The following SLC9A3 variants were observed in gnomAD, a reference collection of about 807,000 sequenced individuals.
SLC9A3 encodes the protein solute carrier family 9 member A3, also known as sodium/hydrogen exchanger 3.
SLC9A3 carries 37 observed loss-of-function variants against 86.8 expected under a neutral mutation model. The ratio of observed to expected loss-of-function variants is 0.43; its 90% CI spans 0.33 to 0.56. SLC9A3 has a LOEUF of 0.56. SLC9A3 is among the 20% of genes least tolerant of loss of function. The pLI is 0.06. For synonymous variants in SLC9A3, 581 were observed against 528.3 expected (o/e 1.10, Z -1.37); for missense variants, 1,011 against 1,171.9 (o/e 0.86, Z 2.00).
intron 1 of SLC9A3, among the ~76,000 whole-genome samples, chr5:522,693 C>T (rs954044016): frequency 6.7e-6 from 1 of 148,758 alleles, no homozygotes; most frequent in Non-Finnish European, 1.5e-5. Flanking sequence ...GAGCCGAGAT[C>T]GCGTCATTGC....
intron 1 of SLC9A3, among the ~76,000 whole-genome samples, chr5:518,496 C>A (rs1398707009): frequency 5.3e-5 from 8 of 152,320 alleles, no homozygotes; most frequent in South Asian, 4.2e-4. Flanking sequence ...GGCACCCTGA[C>A]ACCTGGTATC....
chr5:475,472 C>T (rs901088765), intron 15 of SLC9A3, 89 bp downstream of exon 15: 23 of 791,760 alleles, frequency 2.9e-5, no homozygotes, highest in Non-Finnish European at 4.6e-5. Flanking sequence ...CCCCCAGGTC[C>T]CAGTGCCCCT....
Position 509,756 on chromosome 5 carries a change from G to T in SLC9A3, c.211+14356C>A, listed in dbSNP as rs187502445. ...TGAGAGGAGAATGGGGTGCGGGGAG[G>T]GGGAGGAGGCCTCCTGCAAAGAACC... On this transcript the variant is annotated intron_variant, in intron 1 of 16. Coordinates refer to ENST00000264938, the MANE Select transcript of SLC9A3 (RefSeq NM_004174.4). Among the ~76,000 whole-genome samples the T allele has an allele frequency of 9.2e-5, 14 of 152,320 alleles. No individual in the cohort carries two copies. The East Asian group carries it at 2.7e-3, about 29-fold the overall frequency.
chr5:502,532 G>A (rs750748290), intron 1 of SLC9A3, among the ~76,000 whole-genome samples: 13 of 152,370 alleles, frequency 8.5e-5, no homozygotes, highest in Admixed American at 1.3e-4. Flanking sequence ...CGGAAGTCAC[G>A]AGACACGTGA....
At chr5:508,391 C>T (rs1223463202) in intron 1 of SLC9A3, among the ~76,000 whole-genome samples, 4 of 123,892 alleles carry the variant, frequency 3.2e-5, no homozygotes, top group African/African-American at 1.3e-4. Flanking sequence ...CGCAGGGAAA[C>T]TCAGGCCTCA....
Position 474,908 on chromosome 5 carries a change from C to T in SLC9A3, c.2476G>A (p.Ala826Thr). Residue 826 changes from alanine to threonine, a missense_variant, in exon 16 of 17, where the codon GCC becomes ACC. Physicochemically the swap from Ala to Thr is moderately conservative, Grantham distance 58. Around this residue, in one of 3 missense-constraint regions of SLC9A3, gnomAD observed 397 missense variants for 346.3 expected, o/e 1.15. Transcript: ENST00000264938. ...QADGPEERPP[A>T]ALPESTHM ...ATGTGTGTGGACTCGGGGAGGGCGG[C>T]GGGGGGCCGCTCCTCGGGGCCGTCT... is the stretch of plus-strand genomic sequence containing the variant. The T allele has an allele frequency of 6.4e-7, 1 of 1,565,054 alleles. No homozygotes were observed. Among genetic ancestry groups the T allele is most frequent in the East Asian group, 2.3e-5 (1 of 43,204 alleles).
At chr5:517,898 C>T (rs1560977593) in intron 1 of SLC9A3, among the ~76,000 whole-genome samples, 1 of 151,720 alleles carries the variant, frequency 6.6e-6, no homozygotes, top group Non-Finnish European at 1.5e-5. Flanking sequence ...TCCATCCATC[C>T]ACCCATCATC....
intron 1 of SLC9A3, among the ~76,000 whole-genome samples, chr5:501,854 G>A (rs1467235035): frequency 2.0e-5 from 3 of 152,224 alleles, no homozygotes; most frequent in Non-Finnish European, 4.4e-5. Flanking sequence ...GTCCCTGCCT[G>A]CGGGTGCAGT....
intron 1 of SLC9A3, among the ~76,000 whole-genome samples, chr5:516,504 C>T (rs1733735775): frequency 6.6e-6 from 1 of 152,230 alleles, no homozygotes; most frequent in Admixed American, 6.5e-5. Context: ...GCAGTTCCAG[C>T]ACCAAGTCAG....
At chr5:476,430 G>A in intron 12 of SLC9A3, 52 bp from the exon 13 acceptor site, 2 of 1,607,380 alleles carry the variant, frequency 1.2e-6, no homozygotes, top group Non-Finnish European at 1.7e-6. Flanking sequence ...GGACATTCTC[G>A]CCCTCCTGCC....
chr5:490,563 C>T (rs1041432774), intron 2 of SLC9A3, among the ~76,000 whole-genome samples: 1 of 152,198 alleles, frequency 6.6e-6, no homozygotes, highest in Non-Finnish European at 1.5e-5. Context: ...AGGAGCGGCC[C>T]TGACGGCCAG....
At chr5:473,439 G>C in intron 16 of SLC9A3, 57 bp from the exon 17 acceptor site, 1 of 1,326,876 alleles carries the variant, frequency 7.5e-7, no homozygotes, top group Non-Finnish European at 9.7e-7. Context: ...GGCGGGAGGG[G>C]CGTCCCCGGG....
chr5:479,952 C>T lies in SLC9A3; in HGVS notation c.1531G>A (p.Asp511Asn), dbSNP rs769546146. ...NYLRDKWSHFDRKFLSRVLMR... is the reference protein window; with the variant it reads ...NYLRDKWSHFNRKFLSRVLMR... ...AGGACCCTGCTGAGGAACTTCCTGTCGAAGTGGGACCACCTGTAGGGACAG... is the reference window on the plus strand; with the variant it reads ...AGGACCCTGCTGAGGAACTTCCTGTTGAAGTGGGACCACCTGTAGGGACAG... The change falls in exon 10 of 17, where the codon GAC becomes AAC. Residue 511 changes from aspartate to asparagine, a missense_variant. Around this residue, in one of 3 missense-constraint regions of SLC9A3, gnomAD observed 565 missense variants for 790.0 expected, o/e 0.72. Transcript: ENST00000264938. 1.9e-6 allele frequency: 3 copies of T among 1,613,760 alleles called. No homozygotes were observed. The highest frequency in any genetic ancestry group is 1.1e-5 in the South Asian group (1 of 91,058).
intron 1 of SLC9A3, among the ~76,000 whole-genome samples, chr5:494,315 G>A (rs953256130): frequency 6.6e-6 from 1 of 152,238 alleles, no homozygotes; most frequent in African/African-American, 2.4e-5. Flanking sequence ...CCTGGTCCCT[G>A]TGGTGGCCAG....
intron 10 of SLC9A3, 39 bp downstream of exon 10, chr5:479,797 G>T: frequency 6.2e-7 from 1 of 1,608,218 alleles, no homozygotes. Context: ...GCCAGAGCCT[G>T]CTGCAGCCCC....
At chr5:512,098 G>T (rs2126651798) in intron 1 of SLC9A3, among the ~76,000 whole-genome samples, 1 of 152,340 alleles carries the variant, frequency 6.6e-6, no homozygotes, top group South Asian at 2.1e-4. Flanking sequence ...GTTGCCACGG[G>T]TTAGGGGGAG....
rs1389406480 is a variant in SLC9A3 at position 473,375 on chromosome 5, G to C, written c.*4C>G. On this transcript the variant is annotated 3_prime_UTR_variant, in exon 17 of 17. Transcript: ENST00000264938. ...GGCCGGTTAGCGGCGTGTCGGAGCC[G>C]GTGTCACCTGCGGGAGAGGAAGGCG... 2.8e-6 allele frequency: 4 copies of C among 1,416,094 alleles called. No individual in the cohort carries two copies. Among genetic ancestry groups the C allele is most frequent in the Admixed American group, 2.6e-5 (1 of 38,442 alleles). The allele number at this position is 1,416,094 out of a possible 1,614,324, so 87.7% of individuals were successfully genotyped here. A position where few individuals can be genotyped will look rare whatever the true frequency, so the allele number is the denominator to read the frequency against.
chr5:506,223 G>A (rs1158861200), intron 1 of SLC9A3, among the ~76,000 whole-genome samples: 4 of 152,160 alleles, frequency 2.6e-5, no homozygotes, highest in South Asian at 2.1e-4. Context: ...CGCAGCAGCC[G>A]GAAGCGGTTG....
chr5:473,540 C>T, intron 16 of SLC9A3, 158 bp from the exon 17 acceptor site: 1 of 535,034 alleles, frequency 1.9e-6, no homozygotes, highest in Non-Finnish European at 2.8e-6. Flanking sequence ...CTCCCAGGAC[C>T]CGGGTTCGCG....
Sources: allele counts gnomAD v4.1 joint callset (sites outside exome capture counted in the v4.1 genomes callset), GRCh38; gene constraint gnomAD v4.1.1; regional missense constraint gnomAD v4.1.1; transcripts MANE v1.5; gene names NCBI Gene and HGNC (gene_info 2026-07-23, HGNC 2026-07-21).